Variants in MAP1LC3A observed in about 807,000 individuals in gnomAD.
The protein encoded by MAP1LC3A is microtubule associated protein 1 light chain 3 alpha, also known as microtubule-associated protein 1 light chain 3 alpha.
A neutral mutation model predicts 15.2 loss-of-function variants in MAP1LC3A; 10 were observed. The observed-to-expected ratio is 0.66, with a 90% CI of 0.41 to 1.12. The LOEUF (loss-of-function observed/expected upper bound fraction) is 1.12, where lower values mean the gene tolerates loss of function less well. Among genes scored for constraint, MAP1LC3A ranks in the 50% most tolerant of loss-of-function variants. MAP1LC3A has a pLI of 0.00. For missense variants in MAP1LC3A, 138 were observed against 167.3 expected, an observed-to-expected ratio of 0.82 and a Z score of 0.97; for synonymous variants, 63 against 64.3, an observed-to-expected ratio of 0.98 and a Z score of 0.10.
At chr20:34,551,509 ACAGT>A (rs945156293) in intron 2 of MAP1LC3A, among the ~76,000 whole-genome samples, 4 of 112,782 alleles carry the variant, frequency 3.5e-5, no homozygotes, top group Non-Finnish European at 6.7e-5. Context: ...TGTGTTGCCC[ACAGT>A]CAGGCTGGAG....
chr20:34,548,695 C>T (rs1453932756), intron 1 of MAP1LC3A, among the ~76,000 whole-genome samples: 2 of 145,824 alleles, frequency 1.4e-5, no homozygotes, highest in Non-Finnish European at 3.0e-5. Flanking sequence ...GGAGTGTTCC[C>T]CTTCGCTGCC....
chr20:34,554,165 G>A (rs889161815), upstream of MAP1LC3A, among the ~76,000 whole-genome samples: 10 of 152,056 alleles, frequency 6.6e-5, no homozygotes, highest in African/African-American at 2.4e-4. Context: ...CTTTCACTGT[G>A]TGTAGATTCT....
chr20:34,559,149 C>A, intron 1 of MAP1LC3A, 59 bp from the exon 2 acceptor site: 1 of 1,459,812 alleles, frequency 6.9e-7, no homozygotes, highest in Non-Finnish European at 9.0e-7. Context: ...CCCTCCGGGA[C>A]AGGCGGGGCG....
chr20:34,559,313 G>T, intron 2 of MAP1LC3A, 34 bp from the exon 3 acceptor site: 1 of 957,600 alleles, frequency 1.0e-6, no homozygotes, highest in Non-Finnish European at 1.5e-6. Context: ...GCGCGTTCCC[G>T]ACACGACCCC....
At chr20:34,557,864 G>T (rs1174331987), upstream of MAP1LC3A, among the ~76,000 whole-genome samples, 2 of 152,170 alleles carry the variant, frequency 1.3e-5, no homozygotes, top group African/African-American at 4.8e-5. Context: ...GGGAGGCAGA[G>T]GTTGCAGTGA....
chr20:34,552,769 G>A lies in MAP1LC3A; in HGVS notation c.52+2740G>A, dbSNP rs148065651. On this transcript the variant is annotated intron_variant, in intron 2 of 4. Transcript: ENST00000374837. ...GGGCTCTGGCCCTGGTGGCAGTGGC[G>A]GCCGTGGTGTGCCATGGTCAGATTC... 6.0e-3 allele frequency among the ~76,000 whole-genome samples: 908 copies of A among 152,324 alleles called. 15 individuals are homozygous for A. The highest frequency in any genetic ancestry group is 0.015 in the African/African-American group (620 of 41,566).
upstream of MAP1LC3A, among the ~76,000 whole-genome samples, chr20:34,554,354 G>GTTTTTTT (rs537779341): frequency 1.5e-4 from 16 of 106,160 alleles, 1 homozygote; most frequent in South Asian, 3.4e-4. Context: ...TATACGTTGG[G>GTTTTTTT]TTTTTTTTTT....
chr20:34,558,885 CT>C lies in MAP1LC3A; in HGVS notation c.20del (p.Phe7SerfsTer27). ...GCCCGCGCGATGCCCTCAGACCGGC[CT>C]TTCAAGCAGCGGCGGAGCTTCGGTG... The part of the protein sequence containing the change: MPSDR[P>X]FKQRRSFADR... On this transcript the variant is annotated frameshift_variant, in exon 1 of 4. Coordinates refer to ENST00000360668, the MANE Select transcript of MAP1LC3A (RefSeq NM_032514.4). LOFTEE classifies it high-confidence loss of function. This position sits in a 1 kb window ranked among gnomAD's most constrained non-coding sequence, Gnocchi z 4.3. 1 of 1,429,450 alleles carries C rather than the reference CT, an allele frequency of 7.0e-7. No individual in the cohort carries two copies. The highest frequency in any genetic ancestry group is 9.1e-7 in the Non-Finnish European group (1 of 1,096,634). 88.5% of individuals were successfully genotyped at this position (1,429,450 alleles called of 1,614,324 possible).
Position 34,549,241 on chromosome 20 carries a change from G to A in MAP1LC3A, c.-73-664G>A, listed in dbSNP as rs557722670. Among the ~76,000 whole-genome samples, 8 of 152,048 alleles carry A rather than the reference G, an allele frequency of 5.3e-5. No individual in the cohort carries two copies. In the South Asian group the frequency reaches 1.0e-3, roughly 20 times the overall value. On this transcript the variant is annotated intron_variant, in intron 1 of 4. Transcript: ENST00000374837. The stretch of plus-strand genomic sequence containing the variant: ...GGGTTTCGCCGTGTTGGCCAGGCTG[G>A]TCTAGAACTCTTGACCTCAGGTGAT...
At chr20:34,556,653 G>A (rs1982170589), upstream of MAP1LC3A, among the ~76,000 whole-genome samples, 1 of 151,704 alleles carries the variant, frequency 6.6e-6, no homozygotes. Context: ...CTGGAGGGCA[G>A]TGGCGCAATC....
In MAP1LC3A at chr20:34,559,423, T is replaced by TCAA. The variant is rs1982334229; in HGVS notation, c.176_178dup (p.Asn59dup). 4 of 1,613,192 alleles carry TCAA rather than the reference T, an allele frequency of 2.5e-6. No homozygotes were observed. The highest frequency in any genetic ancestry group is 3.4e-6 in the Non-Finnish European group (4 of 1,179,722). ...ACCAAGTTTTTGGTCCCGGACCATG[T>TCAA]CAACATGAGCGAGTTGGTCAAGATC... On this transcript the variant is annotated inframe_insertion, in exon 3 of 4. Transcript: ENST00000360668.
upstream of MAP1LC3A, chr20:34,558,523 G>T (rs533680178): frequency 5.5e-6 from 6 of 1,088,524 alleles, no homozygotes; most frequent in South Asian, 4.3e-5. The surrounding 1 kb of genome is among the most constrained non-coding windows in gnomAD (Gnocchi z 4.3). Flanking sequence ...TTCGGGCTGC[G>T]GGAGAAGCTC....
Position 34,559,592 on chromosome 20 carries a change from G to C in MAP1LC3A, c.203+139G>C, listed in dbSNP as rs966805513. On this transcript the variant is annotated intron_variant, in intron 3 of 3. Transcript: ENST00000360668. ...TTCTGGGGTGGCTGGAAAGGTCAAG[G>C]TCGGGGCTGCAGTCGGTGTTGGGTC... The C allele has an allele frequency of 1.7e-5, 21 of 1,238,512 alleles. 1 individual carries two copies. Among genetic ancestry groups the C allele is most frequent in the African/African-American group, 3.0e-5 (2 of 67,094 alleles). The allele number at this position is 1,238,512 out of a possible 1,614,324, so 76.7% of individuals were successfully genotyped here.
At chr20:34,553,126 T>G (rs934081756) in intron 2 of MAP1LC3A, among the ~76,000 whole-genome samples, 2 of 152,020 alleles carry the variant, frequency 1.3e-5, no homozygotes, top group African/African-American at 4.8e-5. Context: ...GTGGCGGAGG[T>G]TGCGGTACGC....
At chr20:34,558,360 C>T, upstream of MAP1LC3A, 1 of 987,584 alleles carries the variant, frequency 1.0e-6, no homozygotes, top group Non-Finnish European at 1.2e-6. The surrounding 1 kb of genome is among the most constrained non-coding windows in gnomAD (Gnocchi z 4.3). Flanking sequence ...GGCGCCGGGC[C>T]TTTGGCTCCG....
chr20:34,559,896 T>C lies in MAP1LC3A; in HGVS notation c.364T>C (p.Ter122ArgextTer27). The change falls in exon 4 of 4, where the codon TGA (stop) becomes CGA (arginine). Residue 122 changes from the stop codon to arginine (R), a stop_lost. Coordinates refer to ENST00000360668, the MANE Select transcript of MAP1LC3A (RefSeq NM_032514.4). Reference sequence around the variant, plus strand: ...CGCCTCCCAGGAAACCTTCGGCTTCTGAGCCAGCAGTAGGGGGGCTCGGCC... The same window carrying C: ...CGCCTCCCAGGAAACCTTCGGCTTCCGAGCCAGCAGTAGGGGGGCTCGGCC... ...VYASQETFGF[*>R] The C allele has an allele frequency of 6.2e-7, 1 of 1,609,858 alleles. No homozygotes were observed. The highest frequency in any genetic ancestry group is 8.5e-7 in the Non-Finnish European group (1 of 1,178,288).
At chr20:34,549,848 G>A in intron 1 of MAP1LC3A, 1 of 724,810 alleles carries the variant, frequency 1.4e-6, no homozygotes, top group Non-Finnish European at 2.4e-6. Context: ...ATCTCGTCCA[G>A]AGTCAGTCCC....
intron 1 of MAP1LC3A, among the ~76,000 whole-genome samples, chr20:34,548,432 G>C (rs888912466): frequency 6.6e-6 from 1 of 152,176 alleles, no homozygotes; most frequent in Non-Finnish European, 1.5e-5. Flanking sequence ...GGCAGCCCCG[G>C]CCCTCTCACT....
chr20:34,548,705 CTT>C (rs112988331), intron 1 of MAP1LC3A, among the ~76,000 whole-genome samples: 129 of 142,212 alleles, frequency 9.1e-4, no homozygotes, highest in Admixed American at 1.2e-3. Flanking sequence ...CCTTCGCTGC[CTT>C]TTTTTTTTTT....
Sources: gnomAD v4.1 joint callset for allele counts (sites outside exome capture counted in the v4.1 genomes callset) on GRCh38, gnomAD v4.1.1 for gene constraint, Gnocchi (gnomAD v3.1) non-coding constraint, MANE v1.5 for transcripts, NCBI Gene and HGNC (gene_info 2026-07-23, HGNC 2026-07-21) for gene names.